IGSF9B: variants seen among roughly 807,000 people sequenced by gnomAD.
The protein encoded by IGSF9B is immunoglobulin superfamily member 9B, also known as protein turtle homolog B.
A neutral mutation model predicts 143.7 loss-of-function variants in IGSF9B; 48 were observed. The ratio of observed to expected loss-of-function variants is 0.33; its 90% CI spans 0.26 to 0.42. The LOEUF (loss-of-function observed/expected upper bound fraction) is 0.42. Ranked by LOEUF, IGSF9B falls within the 20% of genes least tolerant of loss-of-function variation. The pLI, the probability that IGSF9B is intolerant of heterozygous loss-of-function variation, is 1.00. For synonymous variants in IGSF9B, 903 were observed against 833.1 expected (o/e 1.08, Z -1.44); for missense variants, 1,706 against 1,980.0 (o/e 0.86, Z 2.63).
chr11:133,930,314 T>G lies in IGSF9B; in HGVS notation c.1520-532A>C, dbSNP rs576772701. Among the ~76,000 whole-genome samples the G allele has an allele frequency of 3.9e-5, 6 of 152,234 alleles. No individual in the cohort carries two copies. In the South Asian group the frequency reaches 1.2e-3, roughly 32 times the overall value. ...GCATTCGGGCCACGGCAACCTCTGC[T>G]TCGAGGAACCTACACTAGAGAAACC... On this transcript the variant is annotated intron_variant, in intron 11 of 19. Transcript: ENST00000533871.
At position 133,956,906 on chromosome 11, in the gene IGSF9B, C is replaced by A. The variant is rs1940268907; in HGVS notation, c.-152G>T. 1.2e-5 allele frequency: 5 copies of A among 405,342 alleles called. No homozygotes were observed. Among genetic ancestry groups the A allele is most frequent in the Non-Finnish European group, 2.2e-5 (5 of 227,978 alleles). 25.1% of individuals were successfully genotyped at this position (405,342 alleles called of 1,614,324 possible). ...CAGCCCGGGTGGCCAGCTCTCCATC[C>A]CTCCTAGGCTCCGCTCGGCTCGGCG... On this transcript the variant is annotated 5_prime_UTR_variant, in exon 1 of 20. Transcript: ENST00000533871.
chr11:133,910,552 G>A (rs1007945967), intron 19 of IGSF9B, among the ~76,000 whole-genome samples: 6 of 152,194 alleles, frequency 3.9e-5, no homozygotes, highest in African/African-American at 9.7e-5. Context: ...TGATTAAACC[G>A]AGGAAGAGCT....
intron 13 of IGSF9B, 61 bp from the exon 14 acceptor site, chr11:133,926,026 C>T: frequency 2.5e-6 from 3 of 1,186,904 alleles, no homozygotes; most frequent in South Asian, 1.3e-5. Context: ...AGCCACCGCA[C>T]CCCCCACACT....
chr11:133,908,203 T>C lies in IGSF9B; in HGVS notation c.*866A>G, dbSNP rs903909461. The stretch of plus-strand genomic sequence containing the variant: ...TTAGCCCCGCGGCTGAGTTAGCCTC[T>C]ACTCCTGCAGCGTGAGCCACGCTGG... On this transcript the variant is annotated 3_prime_UTR_variant, in exon 20 of 20. Coordinates refer to ENST00000533871, the MANE Select transcript of IGSF9B (RefSeq NM_001277285.4). 6.6e-6 allele frequency among the ~76,000 whole-genome samples: 1 copy of C among 152,174 alleles called. No individual in the cohort carries two copies. Among genetic ancestry groups the C allele is most frequent in the Non-Finnish European group, 1.5e-5 (1 of 68,030 alleles).
Position 133,909,265 on chromosome 11 carries a change from G to C in IGSF9B, c.4118C>G (p.Ser1373Cys). The C allele has an allele frequency of 2.0e-6, 3 of 1,535,858 alleles. No individual in the cohort carries two copies. Among genetic ancestry groups the C allele is most frequent in the Middle Eastern group, 1.7e-4 (1 of 5,978 alleles). The change falls in exon 20 of 20, where the codon TCC becomes TGC. Residue 1373 changes from serine (S) to cysteine (C), a missense_variant. Physicochemically the swap from Ser to Cys is moderately radical, Grantham distance 112 (BLOSUM62 -1). Coordinates refer to ENST00000533871, the MANE Select transcript of IGSF9B (RefSeq NM_001277285.4). The surrounding 1 kb of genome is among the most constrained non-coding windows in gnomAD (Gnocchi z 4.2). ...AGAGTTGGGAAGCTGCTGAGTCTGG[G>C]AGGCAGAATCGTCTAGGAAGAAAGG... is the stretch of plus-strand genomic sequence containing the variant. Reference protein sequence around the residue: ...KSKKRSDDSASQTQQLPNSQV... With the variant: ...KSKKRSDDSACQTQQLPNSQV...
intron 1 of IGSF9B, among the ~76,000 whole-genome samples, chr11:133,946,583 C>A (rs1940056154): frequency 1.3e-5 from 2 of 152,218 alleles, no homozygotes; most frequent in Admixed American, 6.5e-5. Context: ...TCCAGCCCCA[C>A]CCCCTGCTGG....
intron 7 of IGSF9B, 34 bp from the exon 8 acceptor site, chr11:133,932,247 AGACAGACACAGG>A (rs1295691814): frequency 2.7e-6 from 4 of 1,497,726 alleles, no homozygotes; most frequent in Admixed American, 2.1e-5. Context: ...GAGAGCAGAC[AGACAGACACAGG>A]GACAGACAGA....
At chr11:133,946,007 G>T in intron 2 of IGSF9B, 54 bp downstream of exon 2, 2 of 1,281,688 alleles carry the variant, frequency 1.6e-6, no homozygotes. Context: ...GGGAACCACC[G>T]AGGAGCTGAC....
intron 18 of IGSF9B, among the ~76,000 whole-genome samples, chr11:133,916,784 T>C (rs1407162111): frequency 6.6e-6 from 1 of 152,046 alleles, no homozygotes; most frequent in Admixed American, 6.5e-5. Context: ...AGAGCTAGTC[T>C]AGGGCTCCCA....
intron 7 of IGSF9B, 124 bp downstream of exon 7, chr11:133,935,493 T>C: frequency 8.8e-7 from 1 of 1,131,506 alleles, no homozygotes; most frequent in Middle Eastern, 3.0e-4. Context: ...CTTCTCTTAT[T>C]CGCTCCTCCA....
At chr11:133,942,168 A>G (rs550910902) in intron 3 of IGSF9B, among the ~76,000 whole-genome samples, 1 of 152,266 alleles carries the variant, frequency 6.6e-6, no homozygotes, top group South Asian at 2.1e-4. Context: ...CCTCTCGAGA[A>G]GGAGGATGGC....
At chr11:133,951,204 G>A (rs553067172) in intron 1 of IGSF9B, among the ~76,000 whole-genome samples, 4 of 152,196 alleles carry the variant, frequency 2.6e-5, no homozygotes, top group East Asian at 1.9e-4. Flanking sequence ...CCAAAACGCC[G>A]ACGGTGTCCT....
In IGSF9B at chr11:133,902,686, T is replaced by C. The variant is rs758020398; in HGVS notation, c.*6383A>G. 6.6e-6 allele frequency among the ~76,000 whole-genome samples: 1 copy of C among 152,094 alleles called. No individual in the cohort carries two copies. Among genetic ancestry groups the C allele is most frequent in the Non-Finnish European group, 1.5e-5 (1 of 68,008 alleles). ...AACCTGGTGCCTGCAGAAGGACACA[T>C]GAGACAATCCCTTCTCCAGCCCTGC... is the stretch of plus-strand genomic sequence containing the variant. On this transcript the variant is annotated 3_prime_UTR_variant, in exon 20 of 20. Transcript: ENST00000533871.
Position 133,932,411 on chromosome 11 carries a change from G to A in IGSF9B, c.968-198C>T, listed in dbSNP as rs562533454. On this transcript the variant is annotated intron_variant, in intron 7 of 19. Coordinates refer to ENST00000533871, the MANE Select transcript of IGSF9B (RefSeq NM_001277285.4). Reference sequence around the variant, plus strand: ...AGACAGACACAGGGAAGCCAGGTGGGAGAGCAGACAGACAGACAGATACAG... The same window carrying A: ...AGACAGACACAGGGAAGCCAGGTGGAAGAGCAGACAGACAGACAGATACAG... Among the ~76,000 whole-genome samples the A allele has an allele frequency of 2.0e-5, 3 of 148,732 alleles. No homozygotes were observed. In the South Asian group the frequency reaches 6.5e-4, roughly 32 times the overall value.
intron 18 of IGSF9B, among the ~76,000 whole-genome samples, chr11:133,916,670 G>A (rs1413703989): frequency 6.6e-6 from 1 of 152,252 alleles, no homozygotes; most frequent in Non-Finnish European, 1.5e-5. Flanking sequence ...TCTTGGATCT[G>A]GCACAGTGGG....
chr11:133,901,964 C>T lies in IGSF9B; in HGVS notation c.*7105G>A, dbSNP rs1258583145. Among the ~76,000 whole-genome samples the T allele has an allele frequency of 9.5e-5, 12 of 126,320 alleles. No individual in the cohort carries two copies. The highest frequency in any genetic ancestry group is 2.2e-4 in the Admixed American group (3 of 13,454). 82.9% of individuals were successfully genotyped at this position (126,320 alleles called of 152,430 possible). On this transcript the variant is annotated 3_prime_UTR_variant, in exon 20 of 20. Coordinates refer to ENST00000533871, the MANE Select transcript of IGSF9B (RefSeq NM_001277285.4). ...ACACACACATCACACACATGCACAC[C>T]GCATCACACACATGCACACCAGACA...
At chr11:133,955,907 C>CCCG (rs1474818724) in intron 1 of IGSF9B, among the ~76,000 whole-genome samples, 3 of 151,090 alleles carry the variant, frequency 2.0e-5, no homozygotes, top group Non-Finnish European at 4.4e-5. Context: ...CCTCCCCTCC[C>CCCG]CCGCCGCCGC....
At chr11:133,938,419 C>T (rs937400393) in intron 3 of IGSF9B, among the ~76,000 whole-genome samples, 1 of 152,168 alleles carries the variant, frequency 6.6e-6, no homozygotes, top group Non-Finnish European at 1.5e-5. Flanking sequence ...CAAGGCTACG[C>T]GGAACCTCAT....
intron 18 of IGSF9B, 102 bp downstream of exon 18, chr11:133,919,640 G>A (rs1371164895): frequency 5.4e-5 from 42 of 781,842 alleles, no homozygotes; most frequent in Non-Finnish European, 7.4e-5. Flanking sequence ...ATGTCCGCAC[G>A]AGCCCTGTCG....
Sources: gnomAD v4.1 joint callset for allele counts (sites outside exome capture counted in the v4.1 genomes callset) on GRCh38, gnomAD v4.1.1 for gene constraint, Gnocchi (gnomAD v3.1) non-coding constraint, MANE v1.5 for transcripts, NCBI Gene and HGNC (gene_info 2026-07-23, HGNC 2026-07-21) for gene names.